ALDH1A2: variants seen among roughly 807,000 people sequenced by gnomAD.
ALDH1A2 encodes aldehyde dehydrogenase 1 family member A2.
In ALDH1A2, 27 loss-of-function variants were observed where a neutral mutation model predicts 60.3. That is an observed-to-expected ratio of 0.45 (90% CI 0.33 to 0.62). The LOEUF (loss-of-function observed/expected upper bound fraction) is 0.62. ALDH1A2 is among the 20% of genes least tolerant of loss of function. The probability of loss-of-function intolerance (pLI) is 0.02; values close to 1 mark genes in which losing one functional copy is unlikely to be tolerated. For synonymous variants in ALDH1A2, 289 were observed against 232.4 expected, an observed-to-expected ratio of 1.24 and a Z score of -2.21; for missense variants, 581 against 643.8, an observed-to-expected ratio of 0.90 and a Z score of 1.06.
chr15:57,961,116 C>T (rs763985590), intron 11 of ALDH1A2, 21 bp downstream of exon 11: 16 of 1,613,384 alleles, frequency 9.9e-6, no homozygotes, highest in Non-Finnish European at 1.3e-5. Flanking sequence ...GAATTTGTTA[C>T]AAGACTGACT....
chr15:58,056,961 G>A (rs376113143), intron 1 of ALDH1A2, among the ~76,000 whole-genome samples: 23 of 152,200 alleles, frequency 1.5e-4, no homozygotes, highest in African/African-American at 4.8e-4. Flanking sequence ...TACATACTGG[G>A]AATATACTGG....
chr15:58,058,755 G>C (rs1345404622), intron 1 of ALDH1A2, among the ~76,000 whole-genome samples: 15 of 152,266 alleles, frequency 9.9e-5, no homozygotes, highest in African/African-American at 3.4e-4. Context: ...CAGTGATGAG[G>C]AAGGGAAACA....
intron 1 of ALDH1A2, among the ~76,000 whole-genome samples, chr15:58,030,501 A>G (rs888787686): frequency 1.8e-4 from 28 of 152,306 alleles, no homozygotes; most frequent in African/African-American, 6.5e-4. Flanking sequence ...GCCCTCCCTC[A>G]CCACTCCTCT....
intron 1 of ALDH1A2, among the ~76,000 whole-genome samples, chr15:58,064,288 C>T (rs1897117204): frequency 6.6e-6 from 1 of 152,170 alleles, no homozygotes; most frequent in African/African-American, 2.4e-5. Context: ...CTCATTAAAA[C>T]GGCTTTGAAA....
intron 4 of ALDH1A2, among the ~76,000 whole-genome samples, chr15:58,003,731 T>C (rs573731110): frequency 6.6e-6 from 1 of 152,046 alleles, no homozygotes; most frequent in East Asian, 1.9e-4. Flanking sequence ...AGGATTTGAA[T>C]ACAGGTTAAA....
intron 7 of ALDH1A2, among the ~76,000 whole-genome samples, chr15:57,984,807 A>C (rs1894641698): frequency 6.6e-6 from 1 of 152,198 alleles, no homozygotes; most frequent in African/African-American, 2.4e-5. Flanking sequence ...ATTAGGAATA[A>C]TACTGCTGTG....
At chr15:57,987,303 A>T (rs1894736913) in intron 7 of ALDH1A2, among the ~76,000 whole-genome samples, 1 of 152,218 alleles carries the variant, frequency 6.6e-6, no homozygotes, top group Non-Finnish European at 1.5e-5. Context: ...GATGAAAACT[A>T]TAAACTCACA....
chr15:57,982,551 A>C (rs756239217), intron 7 of ALDH1A2, among the ~76,000 whole-genome samples: 2 of 152,206 alleles, frequency 1.3e-5, no homozygotes, highest in African/African-American at 2.4e-5. Context: ...AAATTAACTC[A>C]GGCTGAACTA....
chr15:58,054,915 T>G (rs1459839939), intron 1 of ALDH1A2, among the ~76,000 whole-genome samples: 1 of 152,110 alleles, frequency 6.6e-6, no homozygotes, highest in African/African-American at 2.4e-5. Context: ...ATTCTCTCCT[T>G]TTTTTAAATT....
At position 58,031,431 on chromosome 15, in the gene ALDH1A2, A is replaced by T. The variant is rs565718676; in HGVS notation, c.118-17150T>A. Among the ~76,000 whole-genome samples the T allele has an allele frequency of 3.2e-3, 487 of 152,312 alleles. 8 individuals are homozygous for T. Among genetic ancestry groups the T allele is most frequent in the Non-Finnish European group, 7.6e-4 (52 of 68,030 alleles). Reference sequence around the variant, plus strand: ...AAAACCCTAGAAGAAAACCTAGGCAATACCATTCAGGACATAGGCATGGGA... The same window carrying T: ...AAAACCCTAGAAGAAAACCTAGGCATTACCATTCAGGACATAGGCATGGGA... On this transcript the variant is annotated intron_variant, in intron 1 of 12. Transcript: ENST00000249750.
intron 1 of ALDH1A2, among the ~76,000 whole-genome samples, chr15:58,046,157 T>C (rs1390792553): frequency 1.3e-5 from 2 of 152,050 alleles, no homozygotes; most frequent in Admixed American, 1.3e-4. Flanking sequence ...AAGGAATAGA[T>C]ATCTCACGGT....
intron 1 of ALDH1A2, among the ~76,000 whole-genome samples, chr15:58,045,996 G>A (rs35566492): frequency 6.6e-6 from 1 of 152,074 alleles, no homozygotes; most frequent in Admixed American, 6.6e-5. Context: ...AAGCGTCTTA[G>A]ATTCTGGGCA....
At position 58,060,349 on chromosome 15, in the gene ALDH1A2, A is replaced by C. The variant is rs567615375; in HGVS notation, c.117+5185T>G. 4.6e-5 allele frequency among the ~76,000 whole-genome samples: 7 copies of C among 152,288 alleles called. No individual in the cohort carries two copies. The East Asian group carries it at 1.3e-3, about 29-fold the overall frequency. Reference sequence around the variant, plus strand: ...GCTATCATTATATGCCACTTACTTTAACACACTTTTCATTTAGTCCTTTTA... The same window carrying C: ...GCTATCATTATATGCCACTTACTTTCACACACTTTTCATTTAGTCCTTTTA... On this transcript the variant is annotated intron_variant, in intron 1 of 12. Transcript: ENST00000249750.
At chr15:57,991,202 A>AATTG (rs1595647026) in intron 7 of ALDH1A2, among the ~76,000 whole-genome samples, 1 of 152,186 alleles carries the variant, frequency 6.6e-6, no homozygotes, top group Admixed American at 6.5e-5. Context: ...AGTTGTCTTA[A>AATTG]ATTGATTGCA....
At chr15:58,035,713 G>T (rs1053611559) in intron 1 of ALDH1A2, among the ~76,000 whole-genome samples, 1 of 151,582 alleles carries the variant, frequency 6.6e-6, no homozygotes, top group Non-Finnish European at 1.5e-5. Flanking sequence ...AATATTTTTG[G>T]TTTTTCCAGC....
At chr15:58,046,408 C>G (rs1043123352) in intron 1 of ALDH1A2, among the ~76,000 whole-genome samples, 2 of 151,972 alleles carry the variant, frequency 1.3e-5, no homozygotes, top group African/African-American at 4.8e-5. Flanking sequence ...TTACAAGGGT[C>G]ATATCTATGT....
chr15:57,964,565 G>C (rs1353756086), intron 8 of ALDH1A2: 1 of 158,360 alleles, frequency 6.3e-6, no homozygotes, highest in Non-Finnish European at 1.4e-5. Context: ...TCTATATTTT[G>C]TATTTGGCCA....
At chr15:58,061,855 C>A (rs1342728134) in intron 1 of ALDH1A2, among the ~76,000 whole-genome samples, 1 of 152,128 alleles carries the variant, frequency 6.6e-6, no homozygotes, top group African/African-American at 2.4e-5. Context: ...TTATAATTAT[C>A]ATCATCATTA....
chr15:57,979,454 C>A (rs1229564065), intron 7 of ALDH1A2, among the ~76,000 whole-genome samples: 2 of 152,116 alleles, frequency 1.3e-5, no homozygotes. Context: ...CTGCTGGCAG[C>A]CTGGACGTGC....
Sources: gnomAD v4.1 joint callset for allele counts (sites outside exome capture counted in the v4.1 genomes callset) on GRCh38, gnomAD v4.1.1 for gene constraint, MANE v1.5 for transcripts, NCBI Gene and HGNC (gene_info 2026-07-23, HGNC 2026-07-21) for gene names.